SSX2IP: variants seen among roughly 807,000 people sequenced by gnomAD.
The protein encoded by SSX2IP is SSX family member 2 interacting protein, also known as afadin- and alpha-actinin-binding protein.
A neutral mutation model predicts 84.9 loss-of-function variants in SSX2IP; 55 were observed. The ratio of observed to expected loss-of-function variants is 0.65; its 90% CI spans 0.52 to 0.81. The LOEUF (loss-of-function observed/expected upper bound fraction) is 0.81, where lower values mean the gene tolerates loss of function less well. SSX2IP is among the 30% of genes least tolerant of loss of function. SSX2IP has a pLI of 0.00. For synonymous variants in SSX2IP, 239 were observed against 234.7 expected (o/e 1.02, Z -0.17); for missense variants, 664 against 705.2 (o/e 0.94, Z 0.66).
intron 13 of SSX2IP, among the ~76,000 whole-genome samples, chr1:84,649,074 G>A (rs969157738): frequency 4.6e-5 from 7 of 151,882 alleles, no homozygotes; most frequent in Non-Finnish European, 1.0e-4. Flanking sequence ...ATTCCCCTTA[G>A]AACAATATTT....
chr1:84,647,354 G>A lies in SSX2IP; in HGVS notation c.*79C>T. On this transcript the variant is annotated 3_prime_UTR_variant, in exon 14 of 14. Transcript: ENST00000342203. The stretch of plus-strand genomic sequence containing the variant: ...CCATCTTAAGTTATTAGAGATAACT[G>A]ACTTTATGACACACCCTGTTTCAAC... 3.1e-6 allele frequency: 4 copies of A among 1,282,386 alleles called. No homozygotes were observed. Among genetic ancestry groups the A allele is most frequent in the Non-Finnish European group, 4.2e-6 (4 of 949,706 alleles). 79.4% of individuals were successfully genotyped at this position (1,282,386 alleles called of 1,614,324 possible). A position where few individuals can be genotyped will look rare whatever the true frequency, so the allele number is the denominator to read the frequency against.
rs1649204229 is a variant in SSX2IP, at chr1:84,643,979, C to G, written c.*3454G>C. 1 of 152,112 alleles carries G rather than the reference C, an allele frequency of 6.6e-6. No homozygotes were observed. The highest frequency in any genetic ancestry group is 1.5e-5 in the Non-Finnish European group (1 of 68,018). 9.4% of individuals were successfully genotyped at this position (152,112 alleles called of 1,614,324 possible). On this transcript the variant is annotated 3_prime_UTR_variant, in exon 14 of 14. Coordinates refer to ENST00000342203, the MANE Select transcript of SSX2IP (RefSeq NM_001166293.2). ...TAATTTACATCCAGCTTGAAAAACA[C>G]TGTATTTAGAAAAAGGATTAGAGTG...
intron 6 of SSX2IP, 77 bp from the exon 7 acceptor site, chr1:84,662,607 G>A (rs1246547517): frequency 1.2e-5 from 18 of 1,486,198 alleles, no homozygotes; most frequent in Middle Eastern, 3.5e-4. Flanking sequence ...TTCTATACAC[G>A]TAAGTGGTGA....
At position 84,660,969 on chromosome 1, in the gene SSX2IP, A is replaced by T. The variant is rs900077975; in HGVS notation, c.927+1229T>A. ...ATAGTCCCAGCTACTCAGGAGGTTG[A>T]GGCAGAGGAATCACTTGAACTCGGG... On this transcript the variant is annotated intron_variant, in intron 8 of 13. Transcript: ENST00000342203. 2.0e-5 allele frequency among the ~76,000 whole-genome samples: 3 copies of T among 147,734 alleles called. No homozygotes were observed. The South Asian group carries it at 6.5e-4, about 32-fold the overall frequency.
Position 84,670,805 on chromosome 1 carries a change from A to G in SSX2IP, c.54T>C (p.Thr18=), listed in dbSNP as rs900356490. The change falls in exon 3 of 14, where the codon ACT becomes ACC. Residue 18 remains threonine (T), a synonymous_variant. Coordinates refer to ENST00000342203, the MANE Select transcript of SSX2IP (RefSeq NM_001166293.2). ...TTGTTTCTGAGGTATATTGAGAGAT[A>G]GTTTTGCTTTCTGAAAGAATAAAAG... is the stretch of plus-strand genomic sequence containing the variant. ...TDPGLSSESK[T]ISQYTSETKM... is the part of the protein sequence containing the mutation. 7.5e-6 allele frequency: 12 copies of G among 1,603,904 alleles called. No individual in the cohort carries two copies. In the African/African-American group the frequency reaches 1.5e-4, roughly 20 times the overall value.
chr1:84,657,441 CTAT>C (rs1271081611), intron 9 of SSX2IP, among the ~76,000 whole-genome samples: 1 of 152,106 alleles, frequency 6.6e-6, no homozygotes, highest in African/African-American at 2.4e-5. Flanking sequence ...CATTAAACAT[CTAT>C]TATTTTAAAA....
intron 8 of SSX2IP, among the ~76,000 whole-genome samples, chr1:84,659,017 T>C (rs543356094): frequency 3.9e-5 from 6 of 152,126 alleles, no homozygotes; most frequent in Admixed American, 6.5e-5. Context: ...CATAAAGAAG[T>C]AGCAAACTTT....
At chr1:84,667,315 A>G (rs1470795564) in intron 4 of SSX2IP, among the ~76,000 whole-genome samples, 1 of 146,352 alleles carries the variant, frequency 6.8e-6, no homozygotes, top group African/African-American at 2.5e-5. Flanking sequence ...CATGACCCCT[A>G]GTCTCCAAAT....
intron 9 of SSX2IP, 52 bp downstream of exon 9, chr1:84,658,266 A>G: frequency 6.2e-7 from 1 of 1,601,924 alleles, no homozygotes; most frequent in South Asian, 1.1e-5. Context: ...CTAAAAATCA[A>G]CACCTTACCA....
At chr1:84,676,235 G>C (rs562694744) in intron 1 of SSX2IP, among the ~76,000 whole-genome samples, 1 of 152,270 alleles carries the variant, frequency 6.6e-6, no homozygotes, top group Non-Finnish European at 1.5e-5. Context: ...CAAAGCAAAA[G>C]TATAAAGTAA....
In SSX2IP at chr1:84,645,886, T is replaced by A. The variant is rs1162983549; in HGVS notation, c.*1547A>T. The stretch of plus-strand genomic sequence containing the variant: ...CTCAAGAGCTAGCTCTTTAAAACTA[T>A]AAATATGGTTACTATGAGTATATCC... On this transcript the variant is annotated 3_prime_UTR_variant, in exon 14 of 14. Coordinates refer to ENST00000342203, the MANE Select transcript of SSX2IP (RefSeq NM_001166293.2). 6.6e-6 allele frequency: 1 copy of A among 152,112 alleles called. No homozygotes were observed. The highest frequency in any genetic ancestry group is 6.5e-5 in the Admixed American group (1 of 15,272). The allele number at this position is 152,112 out of a possible 1,614,324, so 9.4% of individuals were successfully genotyped here.
At chr1:84,652,051 G>A (rs1174211370) in intron 11 of SSX2IP, 54 bp from the exon 12 acceptor site, 51 of 1,310,342 alleles carry the variant, frequency 3.9e-5, no homozygotes, top group Non-Finnish European at 5.3e-5. Flanking sequence ...CCACACAGTT[G>A]CCATTTCACA....
At chr1:84,676,606 A>G (rs1364403617) in intron 1 of SSX2IP, among the ~76,000 whole-genome samples, 3 of 151,116 alleles carry the variant, frequency 2.0e-5, no homozygotes, top group Non-Finnish European at 4.4e-5. Flanking sequence ...TGCTTTCTGT[A>G]TTATAGACAG....
chr1:84,662,284 G>T lies in SSX2IP; in HGVS notation c.841C>A (p.Leu281Ile), dbSNP rs1477793113. Reference sequence around the variant, plus strand: ...ATCATTTCCTTTTTCATTTGTTGAAGAACCTTCTTAAGTTCTGCATTTTCC... The same window carrying T: ...ATCATTTCCTTTTTCATTTGTTGAATAACCTTCTTAAGTTCTGCATTTTCC... ...LMENAELKKV[L>I]QQMKKEMISL... The change falls in exon 8 of 14, where the codon CTT becomes ATT. Residue 281 changes from leucine (L) to isoleucine (I), a missense_variant. By Grantham distance (5) the Leu-to-Ile change is conservative. Transcript: ENST00000342203. 18 of 1,608,404 alleles carry T rather than the reference G, an allele frequency of 1.1e-5. No individual in the cohort carries two copies. The highest frequency in any genetic ancestry group is 1.5e-5 in the Non-Finnish European group (18 of 1,176,702).
chr1:84,661,044 C>T (rs991144953), intron 8 of SSX2IP, among the ~76,000 whole-genome samples: 13 of 129,860 alleles, frequency 1.0e-4, no homozygotes, highest in Admixed American at 1.8e-4. Context: ...TCCAGCCTGG[C>T]AACAGAGCAA....
chr1:84,659,377 G>T (rs908051082), intron 8 of SSX2IP, among the ~76,000 whole-genome samples: 2 of 152,160 alleles, frequency 1.3e-5, no homozygotes, highest in African/African-American at 2.4e-5. Context: ...GAATGGCCCA[G>T]GATCCGGCTC....
chr1:84,674,025 C>T (rs774653006), intron 1 of SSX2IP, among the ~76,000 whole-genome samples: 2 of 152,182 alleles, frequency 1.3e-5, no homozygotes, highest in South Asian at 2.1e-4. Flanking sequence ...AAGAAAGACA[C>T]TGATTTTACT....
At chr1:84,688,280 ACTAG>A (rs1463648400) in intron 1 of SSX2IP, among the ~76,000 whole-genome samples, 1 of 152,220 alleles carries the variant, frequency 6.6e-6, no homozygotes, top group African/African-American at 2.4e-5. Flanking sequence ...TACCTTCACT[ACTAG>A]CTAACCATAT....
chr1:84,673,428 T>C (rs1003716223), intron 1 of SSX2IP, among the ~76,000 whole-genome samples: 21 of 152,202 alleles, frequency 1.4e-4, no homozygotes, highest in Admixed American at 2.6e-4. Context: ...GCCAGTATAT[T>C]TGAAGCACAG....
Sources: allele counts gnomAD v4.1 joint callset (sites outside exome capture counted in the v4.1 genomes callset), GRCh38; gene constraint gnomAD v4.1.1; transcripts MANE v1.5; gene names NCBI Gene and HGNC (gene_info 2026-07-23, HGNC 2026-07-21).